CFAP61: variants seen among roughly 807,000 people sequenced by gnomAD.
CFAP61 encodes the protein cilia and flagella associated protein 61, also known as cilia- and flagella-associated protein 61.
A neutral mutation model predicts 135.6 loss-of-function variants in CFAP61; 107 were observed. That is an observed-to-expected ratio of 0.79 (90% CI 0.67 to 0.93). The LOEUF is 0.93. CFAP61 is among the 40% of genes least tolerant of loss of function. The pLI is 0.00. For synonymous variants in CFAP61, 575 were observed against 578.5 expected, an observed-to-expected ratio of 0.99 and a Z score of 0.09; for missense variants, 1,507 against 1,556.2, an observed-to-expected ratio of 0.97 and a Z score of 0.53.
intron 8 of CFAP61, among the ~76,000 whole-genome samples, chr20:20,109,842 C>T (rs1454482232): frequency 6.6e-6 from 1 of 151,726 alleles, no homozygotes; most frequent in African/African-American, 2.4e-5. Context: ...TTTGTGACCT[C>T]TTTCTCCTGA....
chr20:20,293,448 T>C (rs2055155211), intron 24 of CFAP61, among the ~76,000 whole-genome samples: 3 of 152,084 alleles, frequency 2.0e-5, no homozygotes, highest in African/African-American at 7.2e-5. Context: ...GAAAGAAAAA[T>C]GTAGGATGGC....
intron 25 of CFAP61, among the ~76,000 whole-genome samples, chr20:20,327,932 AGCACTCAT>A (rs2057827523): frequency 2.0e-5 from 3 of 152,148 alleles, no homozygotes; most frequent in Non-Finnish European, 4.4e-5. Context: ...TAATGATGTC[AGCACTCAT>A]CTGCCCCGGG....
chr20:20,154,987 A>T (rs1270759848), intron 9 of CFAP61, among the ~76,000 whole-genome samples: 1 of 152,216 alleles, frequency 6.6e-6, no homozygotes, highest in African/African-American at 2.4e-5. Context: ...AGCAAAAAGA[A>T]GAAATCTGGA....
intron 3 of CFAP61, 100 bp downstream of exon 3, chr20:20,071,104 A>G (rs899339389): frequency 8.8e-7 from 1 of 1,141,020 alleles, no homozygotes; most frequent in Non-Finnish European, 1.3e-6. Flanking sequence ...TGAGCAGTAT[A>G]TGACATCATG....
In CFAP61 at chr20:20,096,649, A is replaced by G. The variant is rs192617998; in HGVS notation, c.700-2006A>G. ...TCCATGTGAACCAAGATGGATGCCAATTTTCCCTGCCGAGAGTCAGGCTGG... is the reference window on the plus strand; with the variant it reads ...TCCATGTGAACCAAGATGGATGCCAGTTTTCCCTGCCGAGAGTCAGGCTGG... On this transcript the variant is annotated intron_variant, in intron 7 of 26. Transcript: ENST00000245957. Among the ~76,000 whole-genome samples, 818 of 152,318 alleles carry G rather than the reference A, an allele frequency of 5.4e-3. 9 individuals are homozygous for G. The highest frequency in any genetic ancestry group is 7.2e-3 in the Non-Finnish European group (488 of 68,030).
intron 8 of CFAP61, among the ~76,000 whole-genome samples, chr20:20,101,852 T>G (rs1397270874): frequency 6.6e-6 from 1 of 152,132 alleles, no homozygotes; most frequent in Non-Finnish European, 1.5e-5. Context: ...GGTCTTGAAC[T>G]CCGGGCCTCA....
chr20:20,122,147 TTTTG>T (rs1330662464), intron 8 of CFAP61, among the ~76,000 whole-genome samples: 2 of 148,182 alleles, frequency 1.3e-5, no homozygotes, highest in African/African-American at 4.9e-5. Context: ...TGTCATTCTT[TTTTG>T]TTGTTGTTGT....
chr20:20,119,652 AC>A (rs113228112), intron 8 of CFAP61, among the ~76,000 whole-genome samples: 13 of 151,690 alleles, frequency 8.6e-5, no homozygotes, highest in African/African-American at 2.9e-4. Context: ...TTTTTTTTAA[AC>A]TTTTAAGTTC....
At chr20:20,327,904 T>C (rs192734443) in intron 25 of CFAP61, among the ~76,000 whole-genome samples, 31 of 150,980 alleles carry the variant, frequency 2.1e-4, no homozygotes, top group Admixed American at 1.5e-3. Context: ...GTAACATGAA[T>C]TGCTGGGTGA....
intron 1 of CFAP61, 84 bp downstream of exon 1, chr20:20,052,675 A>G (rs2273058): frequency 0.48 from 780,414 of 1,612,282 alleles, 190,659 homozygotes; most frequent in East Asian, 0.67. Flanking sequence ...AGCCTCCGGA[A>G]CTGGGATGAC....
intron 8 of CFAP61, among the ~76,000 whole-genome samples, chr20:20,138,577 A>G (rs187146372): frequency 6.6e-6 from 1 of 152,320 alleles, no homozygotes; most frequent in African/African-American, 2.4e-5. Context: ...TGCCAGGGGA[A>G]TGGGGAAAGG....
chr20:20,127,732 G>A (rs887967022), intron 8 of CFAP61, among the ~76,000 whole-genome samples: 19 of 151,662 alleles, frequency 1.3e-4, no homozygotes, highest in African/African-American at 4.4e-4. Context: ...GCCAGGTGGT[G>A]GATGGGGCCC....
rs143773417 is a variant in CFAP61, at chr20:20,283,125, T to G, written c.2797-5484T>G. 7.4e-4 allele frequency among the ~76,000 whole-genome samples: 112 copies of G among 152,320 alleles called. 3 individuals carry two copies. Among genetic ancestry groups the G allele is most frequent in the African/African-American group, 2.4e-3 (100 of 41,582 alleles). On this transcript the variant is annotated intron_variant, in intron 22 of 26. Transcript: ENST00000245957. Reference sequence around the variant, plus strand: ...GATATTTTTATCTCATTCTATTAATTGCTGAGAGAAGGGTATTAAAATCTG... The same window carrying G: ...GATATTTTTATCTCATTCTATTAATGGCTGAGAGAAGGGTATTAAAATCTG...
At chr20:20,082,399 TAGAC>T (rs2046494241) in intron 6 of CFAP61, among the ~76,000 whole-genome samples, 1 of 152,226 alleles carries the variant, frequency 6.6e-6, no homozygotes, top group African/African-American at 2.4e-5. Flanking sequence ...CCCATCTACT[TAGAC>T]AGTAATTAGT....
At position 20,056,082 on chromosome 20, in the gene CFAP61, T is replaced by C. The variant is rs2044310426; in HGVS notation, c.-36-536T>C. 3 of 1,151,600 alleles carry C rather than the reference T, an allele frequency of 2.6e-6. No individual in the cohort carries two copies. In the Admixed American group the frequency reaches 6.6e-5, roughly 25 times the overall value. 71.3% of individuals were successfully genotyped at this position (1,151,600 alleles called of 1,614,324 possible). On this transcript the variant is annotated intron_variant, in intron 1 of 26. Transcript: ENST00000245957. ...ACAAAGAAAACAAGTTGCTTTATTA[T>C]GGAACCTCTCAAAGATGTTAATGGG...
intron 21 of CFAP61, among the ~76,000 whole-genome samples, chr20:20,269,868 A>G (rs1396205513): frequency 2.0e-5 from 3 of 151,794 alleles, no homozygotes; most frequent in Non-Finnish European, 2.9e-5. Flanking sequence ...ATAGACTCAC[A>G]GGGTTTGAGT....
intron 25 of CFAP61, among the ~76,000 whole-genome samples, chr20:20,302,713 C>A (rs1196261187): frequency 6.6e-6 from 1 of 151,980 alleles, no homozygotes; most frequent in African/African-American, 2.4e-5. Context: ...GTGCCCTTGC[C>A]CCATTCTTAA....
chr20:20,306,458 C>T (rs1347166029), intron 25 of CFAP61, among the ~76,000 whole-genome samples: 1 of 152,140 alleles, frequency 6.6e-6, no homozygotes, highest in Non-Finnish European at 1.5e-5. Context: ...CTCAGTCTCA[C>T]TAGTGTTAGT....
At chr20:20,118,347 T>C (rs912518368) in intron 8 of CFAP61, among the ~76,000 whole-genome samples, 19 of 145,624 alleles carry the variant, frequency 1.3e-4, no homozygotes, top group Admixed American at 7.0e-4. Flanking sequence ...TCTTCTTCTT[T>C]TTTTTTTTTT....
Sources: allele counts gnomAD v4.1 joint callset (sites outside exome capture counted in the v4.1 genomes callset), GRCh38; gene constraint gnomAD v4.1.1; transcripts MANE v1.5; gene names NCBI Gene and HGNC (gene_info 2026-07-23, HGNC 2026-07-21).